Variants in AP3M2 observed in about 807,000 individuals in gnomAD.
AP3M2 encodes the protein adaptor related protein complex 3 subunit mu 2, also known as AP-3 complex subunit mu-2.
In AP3M2, 28 loss-of-function variants were observed where a neutral mutation model predicts 41.6. That is an observed-to-expected ratio of 0.67 (90% CI 0.50 to 0.92). AP3M2 has a LOEUF of 0.92. Among genes scored for constraint, AP3M2 ranks in the 40% least tolerant of loss-of-function variants. AP3M2 has a pLI of 0.00. For synonymous variants in AP3M2, 193 were observed against 186.4 expected, an observed-to-expected ratio of 1.04 and a Z score of -0.29; for missense variants, 427 against 521.4, an observed-to-expected ratio of 0.82 and a Z score of 1.76.
At position 42,167,681 on chromosome 8, in the gene AP3M2, G is replaced by A; in HGVS notation, c.1027G>A (p.Val343Ile). ...TTCTTTGAAGATGCTGTCTTGGGAT[G>A]TAGGAAAAATAAATCCACAAAAGCT... The part of the protein sequence containing the change: ...DPVTKMLSWD[V>I]GKINPQKLPS... Residue 343 changes from valine (V) to isoleucine (I), a missense_variant, in exon 8 of 9, where the codon GTA becomes ATA. Physicochemically the swap from Val to Ile is conservative, Grantham distance 29. Around this residue, in one of 3 missense-constraint regions of AP3M2, gnomAD observed 237 missense variants for 284.9 expected, o/e 0.83. Transcript: ENST00000396926. 1.2e-6 allele frequency: 2 copies of A among 1,610,870 alleles called. No homozygotes were observed. The highest frequency in any genetic ancestry group is 1.7e-5 in the Admixed American group (1 of 58,982).
chr8:42,166,591 C>CAAAAAAAAAA (rs56858276), intron 6 of AP3M2, among the ~76,000 whole-genome samples: 902 of 76,986 alleles, frequency 0.012, 72 homozygotes, highest in African/African-American at 0.046. Context: ...CTTGTCTCTA[C>CAAAAAAAAAA]AAAAAAAAAA....
At position 42,170,209 on chromosome 8, in the gene AP3M2, G is replaced by A. The variant is rs1244487684; in HGVS notation, c.*1148G>A. On this transcript the variant is annotated 3_prime_UTR_variant, in exon 9 of 9. Coordinates refer to ENST00000396926, the MANE Select transcript of AP3M2 (RefSeq NM_006803.4). Reference sequence around the variant, plus strand: ...ACCATCGAGGGTGTGGTTGATCCTTGAAGCTGCTTGGTAAAGTTATCATTT... The same window carrying A: ...ACCATCGAGGGTGTGGTTGATCCTTAAAGCTGCTTGGTAAAGTTATCATTT... 1 of 152,232 alleles carries A rather than the reference G, an allele frequency of 6.6e-6. No homozygotes were observed. Among genetic ancestry groups the A allele is most frequent in the Non-Finnish European group, 1.5e-5 (1 of 68,042 alleles). The allele number at this position is 152,232 out of a possible 1,614,324, so 9.4% of individuals were successfully genotyped here.
intron 2 of AP3M2, 88 bp downstream of exon 2, chr8:42,155,048 CTT>C (rs1406804139): frequency 9.8e-6 from 11 of 1,118,548 alleles, no homozygotes; most frequent in Non-Finnish European, 1.3e-5. Flanking sequence ...CATTAAGAAA[CTT>C]AAAAAAAAAA....
chr8:42,160,303 AACAG>A (rs1256549796), intron 3 of AP3M2, among the ~76,000 whole-genome samples: 1 of 152,206 alleles, frequency 6.6e-6, no homozygotes, highest in Admixed American at 6.5e-5. Context: ...ATTTGTCTGT[AACAG>A]ACAGATAGGT....
Position 42,170,153 on chromosome 8 carries a change from C to G in AP3M2, c.*1092C>G, listed in dbSNP as rs1464118215. 6.6e-6 allele frequency: 1 copy of G among 152,192 alleles called. No individual in the cohort carries two copies. The highest frequency in any genetic ancestry group is 1.5e-5 in the Non-Finnish European group (1 of 68,048). The allele number at this position is 152,192 out of a possible 1,614,324, so 9.4% of individuals were successfully genotyped here. On this transcript the variant is annotated 3_prime_UTR_variant, in exon 9 of 9. Coordinates refer to ENST00000396926, the MANE Select transcript of AP3M2 (RefSeq NM_006803.4). ...ACCTTCCCGTTGGTCGGAAACTTTT[C>G]CATCTGTCGCCCTAGAAAAAGAGAA...
chr8:42,158,916 C>T (rs1034362803), intron 3 of AP3M2, among the ~76,000 whole-genome samples: 2 of 151,946 alleles, frequency 1.3e-5, no homozygotes, highest in Non-Finnish European at 2.9e-5. Context: ...ACCTCAGCCT[C>T]CCGAGTAGCT....
Position 42,169,112 on chromosome 8 carries a change from T to C in AP3M2, c.*51T>C. 1 of 1,474,256 alleles carries C rather than the reference T, an allele frequency of 6.8e-7. No individual in the cohort carries two copies. Among genetic ancestry groups the C allele is most frequent in the Non-Finnish European group, 9.3e-7 (1 of 1,071,140 alleles). 91.3% of individuals were successfully genotyped at this position (1,474,256 alleles called of 1,614,324 possible). A position where few individuals can be genotyped will look rare whatever the true frequency, so the allele number is the denominator to read the frequency against. ...CTTGCACATTTTTTCATTTCTTACT[T>C]GTCTAAAAGTAAAAAAAAATATCAG... On this transcript the variant is annotated 3_prime_UTR_variant, in exon 9 of 9. Transcript: ENST00000396926.
intron 6 of AP3M2, 96 bp downstream of exon 6, chr8:42,165,656 C>T: frequency 1.4e-6 from 2 of 1,456,498 alleles, no homozygotes; most frequent in Admixed American, 2.1e-5. Flanking sequence ...CTAGAGTTAC[C>T]TGGGTTCACA....
Position 42,168,360 on chromosome 8 carries a change from T to C in AP3M2, c.1156+550T>C, listed in dbSNP as rs979352620. The C allele has an allele frequency of 2.7e-5, 9 of 337,542 alleles. No individual in the cohort carries two copies. In the East Asian group the frequency reaches 3.1e-4, roughly 12 times the overall value. 20.9% of individuals were successfully genotyped at this position (337,542 alleles called of 1,614,324 possible). A position where few individuals can be genotyped will look rare whatever the true frequency, so the allele number is the denominator to read the frequency against. ...TTTAAGCTCTTTTCATGTGTTTTCT[T>C]TTTTAATCCTTAGAAACTCTGTGAT... On this transcript the variant is annotated intron_variant, in intron 8 of 8. Transcript: ENST00000396926.
rs1265703591 is a variant in AP3M2, at chr8:42,167,190, A to G, written c.830A>G (p.Lys277Arg). 3 of 1,614,052 alleles carry G rather than the reference A, an allele frequency of 1.9e-6. No homozygotes were observed. Among genetic ancestry groups the G allele is most frequent in the South Asian group, 2.2e-5 (2 of 91,088 alleles). The change falls in exon 7 of 9, where the codon AAA (lysine) becomes AGA (arginine). Residue 277 changes from lysine (K) to arginine (R), a missense_variant. Transcript: ENST00000396926. Reference sequence around the variant, plus strand: ...CTGGTTGCAATCCCAGTGTATGTCAAACATAACATCAGTTTCCGGGACAGT... The same window carrying G: ...CTGGTTGCAATCCCAGTGTATGTCAGACATAACATCAGTTTCCGGGACAGT... ...QNLVAIPVYV[K>R]HNISFRDSSS... is the part of the protein sequence containing the mutation.
At chr8:42,155,982 T>A (rs1333636961) in intron 2 of AP3M2, 2 of 456,168 alleles carry the variant, frequency 4.4e-6, no homozygotes, top group Non-Finnish European at 8.8e-6. Flanking sequence ...TCTGTAGTAC[T>A]ACTGTTCTGG....
At chr8:42,154,277 A>C (rs1046308655) in intron 1 of AP3M2, 1 of 179,232 alleles carries the variant, frequency 5.6e-6, no homozygotes, top group Non-Finnish European at 1.2e-5. Flanking sequence ...CCCTCTTCAA[A>C]GAACACTGAT....
At chr8:42,162,110 T>TA in intron 3 of AP3M2, 171 bp from the exon 4 acceptor site, 1 of 522,038 alleles carries the variant, frequency 1.9e-6, no homozygotes, top group Non-Finnish European at 3.1e-6. Context: ...CAAGGGGTTT[T>TA]AAAAATAGAC....
At chr8:42,165,361 G>T in intron 5 of AP3M2, 66 bp from the exon 6 acceptor site, 1 of 1,572,646 alleles carries the variant, frequency 6.4e-7, no homozygotes, top group South Asian at 1.2e-5. Flanking sequence ...CATTTAAATT[G>T]CTTTCCTGAA....
chr8:42,165,279 A>T, intron 5 of AP3M2, 123 bp downstream of exon 5: 1 of 1,438,706 alleles, frequency 7.0e-7, no homozygotes, highest in South Asian at 1.3e-5. Flanking sequence ...AGCTTGTCTC[A>T]GGCTTGAATT....
chr8:42,155,062 T>A, intron 2 of AP3M2, 102 bp downstream of exon 2: 2 of 982,298 alleles, frequency 2.0e-6, no homozygotes, highest in Non-Finnish European at 3.0e-6. Flanking sequence ...AAAAAAAAAA[T>A]CAAAACTCTG....
intron 3 of AP3M2, among the ~76,000 whole-genome samples, chr8:42,158,345 T>A (rs1804416183): frequency 6.7e-6 from 1 of 150,130 alleles, no homozygotes; most frequent in South Asian, 2.1e-4. Context: ...GCCTCCTGGG[T>A]TGAAGTGATT....
chr8:42,154,997 T>C (rs754015125), intron 2 of AP3M2, 37 bp downstream of exon 2: 1 of 1,556,164 alleles, frequency 6.4e-7, no homozygotes, highest in Non-Finnish European at 8.8e-7. Flanking sequence ...ATGTAAACCG[T>C]AAAGTGTCTT....
intron 3 of AP3M2, among the ~76,000 whole-genome samples, chr8:42,161,101 G>A (rs1415391392): frequency 2.0e-5 from 3 of 152,096 alleles, no homozygotes; most frequent in Non-Finnish European, 2.9e-5. Flanking sequence ...ACAGGAGTTC[G>A]AAATCAGCCT....
Sources: gnomAD v4.1 joint callset for allele counts (sites outside exome capture counted in the v4.1 genomes callset) on GRCh38, gnomAD v4.1.1 for gene constraint, gnomAD v4.1.1 regional missense constraint, MANE v1.5 for transcripts, NCBI Gene and HGNC (gene_info 2026-07-23, HGNC 2026-07-21) for gene names.